PTPN9: variants seen among roughly 807,000 people sequenced by gnomAD.
PTPN9 encodes tyrosine-protein phosphatase non-receptor type 9.
PTPN9 carries 26 observed loss-of-function variants against 69.8 expected under a neutral mutation model. The ratio of observed to expected loss-of-function variants is 0.37; its 90% CI spans 0.27 to 0.52. The LOEUF is 0.52. Ranked by LOEUF, PTPN9 falls within the 20% of genes least tolerant of loss-of-function variation. PTPN9 has a pLI of 0.91. For synonymous variants in PTPN9, 274 were observed against 272.5 expected (o/e 1.01, Z -0.05); for missense variants, 549 against 740.3 (o/e 0.74, Z 3.00).
At chr15:75,494,131 CATATAT>C (rs71140166) in intron 7 of PTPN9, among the ~76,000 whole-genome samples, 7,615 of 143,444 alleles carry the variant, frequency 0.053, 247 homozygotes, top group South Asian at 0.13. Context: ...TTATCAATCC[CATATAT>C]ATATATATAT....
At chr15:75,521,920 G>GGTCTCAAACTCCCGGGCTC (rs1293163731) in intron 4 of PTPN9, among the ~76,000 whole-genome samples, 2 of 152,126 alleles carry the variant, frequency 1.3e-5, no homozygotes, top group Non-Finnish European at 2.9e-5. Flanking sequence ...GCCCAGGGCT[G>GGTCTCAAACTCCCGGGCTC]GTCTCAAACT....
intron 5 of PTPN9, among the ~76,000 whole-genome samples, chr15:75,513,731 C>T (rs369457835): frequency 3.3e-5 from 5 of 151,646 alleles, no homozygotes; most frequent in African/African-American, 4.8e-5. Context: ...CAGGCCATTG[C>T]GCTTCAGCCT....
chr15:75,546,886 C>G (rs1303659091), intron 1 of PTPN9, among the ~76,000 whole-genome samples: 1 of 151,986 alleles, frequency 6.6e-6, no homozygotes, highest in Admixed American at 6.6e-5. Flanking sequence ...TAGCCAACAA[C>G]TAAGTGTTGT....
At chr15:75,470,958 T>G (rs1321386803) in intron 10 of PTPN9, 128 bp from the exon 11 acceptor site, 1 of 1,153,070 alleles carries the variant, frequency 8.7e-7, no homozygotes, top group Non-Finnish European at 1.2e-6. Flanking sequence ...ACTTACACCA[T>G]TGATTCTCAG....
At chr15:75,508,874 G>GT (rs751767092) in intron 6 of PTPN9, 43 bp downstream of exon 6, 3 of 1,404,174 alleles carry the variant, frequency 2.1e-6, no homozygotes, top group East Asian at 2.3e-5. Flanking sequence ...GGAATTCACT[G>GT]TATCTATTCA....
chr15:75,480,304 T>C (rs1488963574), intron 8 of PTPN9, among the ~76,000 whole-genome samples: 1 of 152,186 alleles, frequency 6.6e-6, no homozygotes, highest in Non-Finnish European at 1.5e-5. Context: ...AATTGGACTA[T>C]ATTAAAATTA....
chr15:75,474,944 G>A (rs916348613), intron 9 of PTPN9, among the ~76,000 whole-genome samples: 8 of 152,018 alleles, frequency 5.3e-5, no homozygotes, highest in South Asian at 2.1e-4. Context: ...AGCTGTCTCC[G>A]TCACCTCCAA....
intron 9 of PTPN9, among the ~76,000 whole-genome samples, chr15:75,477,775 C>T (rs1224907317): frequency 6.7e-6 from 1 of 150,256 alleles, no homozygotes; most frequent in Non-Finnish European, 1.5e-5. Context: ...CTCCAATTGT[C>T]TCAATAGTTT....
intron 3 of PTPN9, among the ~76,000 whole-genome samples, chr15:75,523,941 T>C (rs2074915728): frequency 1.3e-5 from 2 of 151,942 alleles, no homozygotes; most frequent in Admixed American, 1.3e-4. Flanking sequence ...ATAAGGTATA[T>C]AGGAACAAAG....
chr15:75,514,982 T>G (rs1396929854), intron 5 of PTPN9, among the ~76,000 whole-genome samples: 1 of 152,184 alleles, frequency 6.6e-6, no homozygotes, highest in African/African-American at 2.4e-5. Flanking sequence ...CAGTTTGACA[T>G]TGTCTTATAA....
intron 1 of PTPN9, among the ~76,000 whole-genome samples, chr15:75,533,464 T>C (rs2074971433): frequency 6.6e-6 from 1 of 152,134 alleles, no homozygotes; most frequent in South Asian, 2.1e-4. Context: ...TTTCACCATG[T>C]AGCCCAGGCT....
chr15:75,516,903 C>T (rs1412154009), intron 5 of PTPN9, among the ~76,000 whole-genome samples: 3 of 151,530 alleles, frequency 2.0e-5, no homozygotes, highest in African/African-American at 2.4e-5. Flanking sequence ...CGCCACCACA[C>T]CCAGCTAATT....
Position 75,517,258 on chromosome 15 carries a change from C to T in PTPN9, c.528+1G>A. ...CTTGAGAGGGCCCTCCATAGCCTTA[C>T]CTTCAGCAGGTTTAGGACTTTCTTG... On this transcript the variant is annotated splice_donor_variant, in intron 5 of 12. Coordinates refer to ENST00000618819, the MANE Select transcript of PTPN9 (RefSeq NM_002833.4). LOFTEE classifies it high-confidence loss of function. 6.2e-7 allele frequency: 1 copy of T among 1,609,516 alleles called. No individual in the cohort carries two copies. The highest frequency in any genetic ancestry group is 8.5e-7 in the Non-Finnish European group (1 of 1,175,894).
At chr15:75,529,865 G>C (rs1341184123) in intron 1 of PTPN9, among the ~76,000 whole-genome samples, 2 of 151,838 alleles carry the variant, frequency 1.3e-5, no homozygotes, top group African/African-American at 4.8e-5. Context: ...AGCCAAGATT[G>C]TGCCATTGCA....
chr15:75,559,783 A>AGAAG (rs2075095989), intron 1 of PTPN9, among the ~76,000 whole-genome samples: 2 of 142,544 alleles, frequency 1.4e-5, no homozygotes, highest in Admixed American at 1.4e-4. Flanking sequence ...AAAAAAAAAA[A>AGAAG]AAGAAGAAAG....
At chr15:75,470,087 G>T in intron 11 of PTPN9, 88 bp from the exon 12 acceptor site, 1 of 1,222,780 alleles carries the variant, frequency 8.2e-7, no homozygotes, top group Non-Finnish European at 1.2e-6. Flanking sequence ...CAACACCCTG[G>T]TTATCCCTAC....
At chr15:75,543,936 C>T (rs2075020365) in intron 1 of PTPN9, among the ~76,000 whole-genome samples, 1 of 152,116 alleles carries the variant, frequency 6.6e-6, no homozygotes, top group Non-Finnish European at 1.5e-5. Context: ...GAACTGCTAG[C>T]CTTAGATGGG....
At chr15:75,489,103 A>T (rs1159885938) in intron 8 of PTPN9, among the ~76,000 whole-genome samples, 1 of 133,828 alleles carries the variant, frequency 7.5e-6, no homozygotes, top group Non-Finnish European at 1.5e-5. Flanking sequence ...TGAACCTGGG[A>T]GGTGGAGCTT....
At chr15:75,504,513 G>T (rs1246237765) in intron 7 of PTPN9, among the ~76,000 whole-genome samples, 1 of 139,280 alleles carries the variant, frequency 7.2e-6, no homozygotes, top group Non-Finnish European at 1.6e-5. Context: ...GAGGGAGGTG[G>T]GGGGGGTCAG....
Sources: allele counts gnomAD v4.1 joint callset (sites outside exome capture counted in the v4.1 genomes callset), GRCh38; gene constraint gnomAD v4.1.1; transcripts MANE v1.5; gene names NCBI Gene and HGNC (gene_info 2026-07-23, HGNC 2026-07-21).